The following TMEM132C variants were observed in gnomAD, a reference collection of about 807,000 sequenced individuals.
TMEM132C encodes protein phosphatase 1, regulatory subunit 152.
TMEM132C carries 29 observed loss-of-function variants against 61.4 expected under a neutral mutation model. That is an observed-to-expected ratio of 0.47 (90% confidence interval 0.35 to 0.64). TMEM132C has a LOEUF of 0.64. Ranked by LOEUF, TMEM132C falls within the 30% of genes least tolerant of loss-of-function variation. The pLI, the probability that TMEM132C is intolerant of heterozygous loss-of-function variation, is 0.00. For synonymous variants in TMEM132C, 656 were observed against 633.1 expected, an observed-to-expected ratio of 1.04 and a Z score of -0.54; for missense variants, 1,408 against 1,476.9, an observed-to-expected ratio of 0.95 and a Z score of 0.76.
At chr12:128,693,353 C>A (rs566134077) in intron 5 of TMEM132C, among the ~76,000 whole-genome samples, 1 of 152,200 alleles carries the variant, frequency 6.6e-6, no homozygotes, top group Non-Finnish European at 1.5e-5. Flanking sequence ...TTACTCAGCC[C>A]ACCCAGATTT....
chr12:128,374,545 G>T (rs780579738), intron 1 of TMEM132C, among the ~76,000 whole-genome samples: 1 of 152,118 alleles, frequency 6.6e-6, no homozygotes, highest in Non-Finnish European at 1.5e-5. Flanking sequence ...GCTATTTGGC[G>T]CCTGACAGCT....
At chr12:128,269,544 C>T (rs151055877) in intron 1 of TMEM132C, among the ~76,000 whole-genome samples, 2,811 of 152,166 alleles carry the variant, frequency 0.018, 87 homozygotes, top group African/African-American at 0.064. Context: ...GAAGCCCCAC[C>T]CCTATCCCAA....
At chr12:128,375,127 T>G (rs1874154843) in intron 1 of TMEM132C, among the ~76,000 whole-genome samples, 1 of 151,892 alleles carries the variant, frequency 6.6e-6, no homozygotes, top group Non-Finnish European at 1.5e-5. Context: ...TCCCCAGAGT[T>G]GCCACCAAAG....
At chr12:128,425,497 CTG>C (rs1013159239) in intron 2 of TMEM132C, among the ~76,000 whole-genome samples, 10 of 152,242 alleles carry the variant, frequency 6.6e-5, no homozygotes, top group African/African-American at 2.4e-4. Flanking sequence ...GGGGACTTGA[CTG>C]TGTCTCTCGG....
At chr12:128,345,603 A>G (rs920690372) in intron 1 of TMEM132C, among the ~76,000 whole-genome samples, 16 of 152,128 alleles carry the variant, frequency 1.1e-4, no homozygotes, top group African/African-American at 2.9e-4. Context: ...AATAGTAGCC[A>G]TTCTGACAGA....
At chr12:128,693,808 T>C in intron 5 of TMEM132C, 21 bp from the exon 6 acceptor site, 6 of 1,551,572 alleles carry the variant, frequency 3.9e-6, no homozygotes, top group Non-Finnish European at 5.2e-6. Context: ...TCCTCCATCC[T>C]TTCTCCCTCT....
chr12:128,405,222 G>A (rs1183346463), intron 1 of TMEM132C, among the ~76,000 whole-genome samples: 1 of 152,186 alleles, frequency 6.6e-6, no homozygotes, highest in Non-Finnish European at 1.5e-5. Context: ...TTGCAGTCAG[G>A]AGATAACGTT....
At chr12:128,590,437 C>A (rs560402494) in intron 3 of TMEM132C, among the ~76,000 whole-genome samples, 1 of 126,594 alleles carries the variant, frequency 7.9e-6, no homozygotes, top group Non-Finnish European at 1.8e-5. Context: ...GTTGCAAATT[C>A]TCAATGCTTA....
At chr12:128,378,659 G>A (rs149401680) in intron 1 of TMEM132C, among the ~76,000 whole-genome samples, 2 of 152,288 alleles carry the variant, frequency 1.3e-5, no homozygotes, top group East Asian at 3.9e-4. Context: ...TCCATGCCCA[G>A]TGAGTAGGGT....
intron 1 of TMEM132C, among the ~76,000 whole-genome samples, chr12:128,277,015 C>T (rs888797872): frequency 6.6e-6 from 1 of 152,090 alleles, no homozygotes; most frequent in African/African-American, 2.4e-5. Context: ...TACTTATGCC[C>T]TAAACAAGGT....
intron 1 of TMEM132C, chr12:128,288,191 T>A (rs1871135044): frequency 6.6e-6 from 1 of 152,230 alleles, no homozygotes; most frequent in Admixed American, 6.6e-5. Flanking sequence ...CCTGAGTAGC[T>A]GGGATTACAG....
chr12:128,587,609 A>G (rs555716790), intron 3 of TMEM132C, among the ~76,000 whole-genome samples: 1 of 152,352 alleles, frequency 6.6e-6, no homozygotes, highest in South Asian at 2.1e-4. Context: ...CAATCAAATC[A>G]CAAAGTGAGA....
intron 1 of TMEM132C, among the ~76,000 whole-genome samples, chr12:128,413,510 G>A (rs1346953098): frequency 6.6e-6 from 1 of 151,798 alleles, no homozygotes; most frequent in African/African-American, 2.4e-5. Context: ...TCTATTGCCT[G>A]TCGACTTCCC....
chr12:128,562,471 A>T (rs1874556552), intron 3 of TMEM132C, among the ~76,000 whole-genome samples: 2 of 152,136 alleles, frequency 1.3e-5, no homozygotes, highest in South Asian at 4.1e-4. Flanking sequence ...GGTCCTTATT[A>T]TTCCCTGCTT....
chr12:128,600,045 C>T (rs899253806), intron 3 of TMEM132C, among the ~76,000 whole-genome samples: 4 of 152,088 alleles, frequency 2.6e-5, no homozygotes, highest in Non-Finnish European at 4.4e-5. Flanking sequence ...TGCAGTGGCG[C>T]GATCTCGGCT....
chr12:128,666,580 A>G (rs76982048), intron 4 of TMEM132C, among the ~76,000 whole-genome samples: 2,835 of 152,304 alleles, frequency 0.019, 53 homozygotes, highest in African/African-American at 0.052. Context: ...TCCAAGAGAT[A>G]TGATATGTGA....
At chr12:128,525,048 C>G (rs142946399) in intron 2 of TMEM132C, among the ~76,000 whole-genome samples, 3 of 152,304 alleles carry the variant, frequency 2.0e-5, no homozygotes, top group African/African-American at 7.2e-5. Flanking sequence ...AGGACTGGCT[C>G]AATGCCCAGT....
At chr12:128,647,864 G>A (rs1954223656) in intron 4 of TMEM132C, among the ~76,000 whole-genome samples, 1 of 149,654 alleles carries the variant, frequency 6.7e-6, no homozygotes, top group Non-Finnish European at 1.5e-5. Flanking sequence ...AGCATTGGAT[G>A]TGAGTGTGTT....
chr12:128,443,595 C>T (rs1869871542), intron 2 of TMEM132C, among the ~76,000 whole-genome samples: 1 of 152,142 alleles, frequency 6.6e-6, no homozygotes, highest in African/African-American at 2.4e-5. Context: ...AAATCAGAAT[C>T]TCTGGGACCC....
Sources: gnomAD v4.1 joint callset for allele counts (sites outside exome capture counted in the v4.1 genomes callset) on GRCh38, gnomAD v4.1.1 for gene constraint, MANE v1.5 for transcripts, NCBI Gene and HGNC (gene_info 2026-07-23, HGNC 2026-07-21) for gene names.